SKAP1: variants seen among roughly 807,000 people sequenced by gnomAD.
The protein encoded by SKAP1 is src kinase-associated phosphoprotein 1.
SKAP1 carries 44 observed loss-of-function variants against 58.5 expected under a neutral mutation model. That is an observed-to-expected ratio of 0.75 (90% CI 0.59 to 0.97). The LOEUF (loss-of-function observed/expected upper bound fraction) is 0.97, where lower values mean the gene tolerates loss of function less well. Ranked by LOEUF, SKAP1 falls within the 50% of genes least tolerant of loss-of-function variation. The pLI is 0.00. For missense variants in SKAP1, 390 were observed against 435.2 expected (o/e 0.90, Z 0.92); for synonymous variants, 127 against 149.7 (o/e 0.85, Z 1.11).
intron 2 of SKAP1, among the ~76,000 whole-genome samples, chr17:48,372,792 C>T (rs961748639): frequency 1.3e-5 from 2 of 152,106 alleles, no homozygotes; most frequent in African/African-American, 4.8e-5. Context: ...AGGTGTGCAC[C>T]ACCACACCTG....
At chr17:48,324,796 G>C (rs886781098) in intron 4 of SKAP1, among the ~76,000 whole-genome samples, 1 of 151,898 alleles carries the variant, frequency 6.6e-6, no homozygotes, top group African/African-American at 2.4e-5. Flanking sequence ...TACATTTAAG[G>C]TTTTTGTTAC....
At chr17:48,294,809 T>G (rs2065943733) in intron 4 of SKAP1, among the ~76,000 whole-genome samples, 1 of 152,176 alleles carries the variant, frequency 6.6e-6, no homozygotes, top group South Asian at 2.1e-4. Context: ...TTTTCAAAAG[T>G]GGCCTAAATC....
intron 4 of SKAP1, among the ~76,000 whole-genome samples, chr17:48,312,529 T>TA: frequency 6.6e-6 from 1 of 152,294 alleles, no homozygotes; most frequent in Non-Finnish European, 1.5e-5. Context: ...CCTTTAAAAA[T>TA]AATACCAGGG....
chr17:48,399,772 A>T (rs2067472063), intron 1 of SKAP1, among the ~76,000 whole-genome samples: 1 of 151,570 alleles, frequency 6.6e-6, no homozygotes, highest in African/African-American at 2.4e-5. Context: ...CAAAAAAAAA[A>T]AAAAATTAAA....
chr17:48,442,802 C>T, the SKAP1 span, among the ~76,000 whole-genome samples: 1 of 152,182 alleles, frequency 6.6e-6, no homozygotes, highest in Non-Finnish European at 1.5e-5. Flanking sequence ...TTACGCCCCA[C>T]CAACCCATTT....
chr17:48,181,965 T>A (rs141438886), intron 8 of SKAP1, among the ~76,000 whole-genome samples: 1 of 152,304 alleles, frequency 6.6e-6, no homozygotes, highest in African/African-American at 2.4e-5. Context: ...CTGAAGACCA[T>A]CTAGATTGGT....
rs2066037346 is a variant in SKAP1 at position 48,300,037 on chromosome 17, G to T, written c.280+45868C>A. On this transcript the variant is annotated intron_variant, in intron 4 of 12. Transcript: ENST00000336915. The stretch of plus-strand genomic sequence containing the variant: ...CTTCAAAATAAGTGTAGGTCATGAA[G>T]CTGCAGTGTTATGAGAAAACTGTTT... Among the ~76,000 whole-genome samples, 4 of 152,150 alleles carry T rather than the reference G, an allele frequency of 2.6e-5. No homozygotes were observed. The South Asian group carries it at 8.3e-4, about 32-fold the overall frequency.
At chr17:48,139,642 G>T (rs2063744829) in intron 11 of SKAP1, among the ~76,000 whole-genome samples, 1 of 152,108 alleles carries the variant, frequency 6.6e-6, no homozygotes, top group Admixed American at 6.6e-5. Context: ...AAAATTCAGA[G>T]TCCCTAGCAT....
chr17:48,314,323 AGACTT>A (rs2066261992), intron 4 of SKAP1, among the ~76,000 whole-genome samples: 1 of 152,196 alleles, frequency 6.6e-6, no homozygotes, highest in South Asian at 2.1e-4. Context: ...AAGGGACAAA[AGACTT>A]GGAAAGAAAA....
rs996058364 is a variant in SKAP1 at position 48,410,913 on chromosome 17, C to T, written c.47-14128G>A. Reference sequence around the variant, plus strand: ...CTGCACTTTAGCCTGGGTGACAGAGCGACAGAGCGAGACTCCATTTCAAAA... The same window carrying T: ...CTGCACTTTAGCCTGGGTGACAGAGTGACAGAGCGAGACTCCATTTCAAAA... On this transcript the variant is annotated intron_variant, in intron 1 of 12. Coordinates refer to ENST00000336915, the MANE Select transcript of SKAP1 (RefSeq NM_003726.4). Among the ~76,000 whole-genome samples the T allele has an allele frequency of 8.0e-5, 9 of 112,960 alleles. No homozygotes were observed. The East Asian group carries it at 1.0e-3, about 13-fold the overall frequency. 74.1% of individuals were successfully genotyped at this position (112,960 alleles called of 152,430 possible).
intron 9 of SKAP1, among the ~76,000 whole-genome samples, chr17:48,172,123 A>G (rs183811386): frequency 2.0e-5 from 3 of 152,272 alleles, no homozygotes; most frequent in Admixed American, 6.5e-5. Context: ...TAATGTATCC[A>G]TCTTTGTTCA....
At chr17:48,405,454 C>CTTTCT (rs1567902283) in intron 1 of SKAP1, among the ~76,000 whole-genome samples, 20 of 63,166 alleles carry the variant, frequency 3.2e-4, no homozygotes, top group Admixed American at 3.0e-3. Flanking sequence ...TCTTTCTTTT[C>CTTTCT]TTTCTTTCTT....
intron 4 of SKAP1, among the ~76,000 whole-genome samples, chr17:48,258,893 A>G (rs1452059653): frequency 6.6e-6 from 1 of 152,112 alleles, no homozygotes; most frequent in African/African-American, 2.4e-5. Flanking sequence ...AAAGAATAAA[A>G]TATTTCTCAT....
chr17:48,137,196 T>C (rs535417046), intron 12 of SKAP1, 33 bp downstream of exon 12: 1 of 1,383,856 alleles, frequency 7.2e-7, no homozygotes, highest in Non-Finnish European at 1.0e-6. Context: ...TCCACTCAAC[T>C]ATTAGGCAGT....
intron 6 of SKAP1, 44 bp downstream of exon 6, chr17:48,187,799 G>T: frequency 7.3e-7 from 1 of 1,368,328 alleles, no homozygotes; most frequent in Non-Finnish European, 1.0e-6. Context: ...CGAAGTGTTT[G>T]CATCCAGGAG....
intron 4 of SKAP1, among the ~76,000 whole-genome samples, chr17:48,298,296 C>T (rs2066008297): frequency 1.3e-5 from 2 of 152,198 alleles, no homozygotes; most frequent in Non-Finnish European, 2.9e-5. Context: ...CAACAAACAA[C>T]TAGTCAGAAG....
intron 2 of SKAP1, among the ~76,000 whole-genome samples, chr17:48,375,772 G>T (rs950113814): frequency 6.6e-6 from 1 of 151,998 alleles, no homozygotes; most frequent in Non-Finnish European, 1.5e-5. Flanking sequence ...TAAATAAAAA[G>T]GAGTCATTGA....
At chr17:48,177,458 TCAGA>T (rs1163136497) in intron 9 of SKAP1, among the ~76,000 whole-genome samples, 3 of 152,124 alleles carry the variant, frequency 2.0e-5, no homozygotes, top group Non-Finnish European at 4.4e-5. Context: ...GGTAATACAA[TCAGA>T]CAGAGAGGGC....
chr17:48,197,257 C>CAAA (rs35979686), intron 4 of SKAP1, among the ~76,000 whole-genome samples: 15,443 of 97,282 alleles, frequency 0.16, 1,866 homozygotes, highest in Non-Finnish European at 0.22. Flanking sequence ...GACTCCGACT[C>CAAA]AAAAAAAAAA....
Sources: allele counts gnomAD v4.1 joint callset (sites outside exome capture counted in the v4.1 genomes callset), GRCh38; gene constraint gnomAD v4.1.1; transcripts MANE v1.5; gene names NCBI Gene and HGNC (gene_info 2026-07-23, HGNC 2026-07-21).